Variants in YTHDC2 observed in about 807,000 individuals in gnomAD.
YTHDC2 encodes 3'-5' RNA helicase YTHDC2.
YTHDC2 carries 45 observed loss-of-function variants against 174.9 expected under a neutral mutation model. That is an observed-to-expected ratio of 0.26 (90% CI 0.20 to 0.33). The LOEUF (loss-of-function observed/expected upper bound fraction) is 0.33. YTHDC2 is among the 10% of genes least tolerant of loss of function. YTHDC2 has a pLI of 1.00. For missense variants in YTHDC2, 1,650 were observed against 1,723.7 expected, an observed-to-expected ratio of 0.96 and a Z score of 0.76; for synonymous variants, 657 against 574.5, an observed-to-expected ratio of 1.14 and a Z score of -2.05.
intron 5 of YTHDC2, 88 bp from the exon 6 acceptor site, chr5:113,534,217 G>A (rs944112621): frequency 2.1e-6 from 2 of 957,634 alleles, no homozygotes; most frequent in Non-Finnish European, 3.3e-6. Context: ...TTATTAAAAT[G>A]TGTACGAGGC....
chr5:113,585,899 A>C (rs936348635), intron 26 of YTHDC2, among the ~76,000 whole-genome samples: 2 of 151,824 alleles, frequency 1.3e-5, no homozygotes, highest in Non-Finnish European at 2.9e-5. Flanking sequence ...CAGTTGATGG[A>C]CATTTGGGTT....
chr5:113,584,080 G>C (rs138765268), intron 25 of YTHDC2: 4 of 351,532 alleles, frequency 1.1e-5, no homozygotes, highest in African/African-American at 4.2e-5. Flanking sequence ...AAGTTACGAG[G>C]CTTGCTCAGG....
At chr5:113,539,013 G>T in intron 7 of YTHDC2, 61 bp from the exon 8 acceptor site, 1 of 848,166 alleles carries the variant, frequency 1.2e-6, no homozygotes, top group African/African-American at 1.8e-5. Context: ...GGATTTTCAT[G>T]TTTTTATGTG....
intron 1 of YTHDC2, chr5:113,514,313 C>G (rs1432371519): frequency 2.3e-5 from 16 of 699,278 alleles, no homozygotes; most frequent in Non-Finnish European, 3.9e-5. Flanking sequence ...GCACTTTGCT[C>G]CCTAGCTGAA....
At chr5:113,590,331 G>T (rs2112823531) in intron 26 of YTHDC2, among the ~76,000 whole-genome samples, 1 of 152,308 alleles carries the variant, frequency 6.6e-6, no homozygotes, top group South Asian at 2.1e-4. Flanking sequence ...CCAATACTAA[G>T]GTATGGCCCT....
Position 113,579,549 on chromosome 5 carries a change from G to T in YTHDC2, c.3245-37G>T, listed in dbSNP as rs747279917. On this transcript the variant is annotated intron_variant, in intron 23 of 29. Transcript: ENST00000161863. ...TAGTTTTTTGCCATAACGTAAGAAGGTAAAAGTGATTTTTTTTTCATTATG... is the reference window on the plus strand; with the variant it reads ...TAGTTTTTTGCCATAACGTAAGAAGTTAAAAGTGATTTTTTTTTCATTATG... 11 of 1,508,812 alleles carry T rather than the reference G, an allele frequency of 7.3e-6. No individual in the cohort carries two copies. The South Asian group carries it at 9.0e-5, about 12-fold the overall frequency. The allele number at this position is 1,508,812 out of a possible 1,614,324, so 93.5% of individuals were successfully genotyped here.
rs954774540 is a variant in YTHDC2 at position 113,525,085 on chromosome 5, G to T, written c.383G>T (p.Arg128Met). Residue 128 changes from arginine (R) to methionine (M), a missense_variant, in exon 3 of 30, where the codon AGG (arginine) becomes ATG (methionine). By Grantham distance (91) the Arg-to-Met change is moderately conservative (BLOSUM62 -1). Transcript: ENST00000161863. ...NLTHNTKHAV[R>M]SLIQRFPVTN... is the part of the protein sequence containing the mutation. ...ACTCATAATACAAAACATGCTGTTA[G>T]GAGCCTAATTCAAAGATTTCCTGTC... The T allele has an allele frequency of 5.0e-6, 8 of 1,612,474 alleles. No homozygotes were observed. The highest frequency in any genetic ancestry group is 6.8e-6 in the Non-Finnish European group (8 of 1,179,138).
chr5:113,583,032 A>C lies in YTHDC2; in HGVS notation c.3648-1270A>C, dbSNP rs959589181. 8 of 152,212 alleles carry C rather than the reference A, an allele frequency of 5.3e-5. No homozygotes were observed. The East Asian group carries it at 1.5e-3, about 29-fold the overall frequency. The allele number at this position is 152,212 out of a possible 1,614,324, so 9.4% of individuals were successfully genotyped here. On this transcript the variant is annotated intron_variant, in intron 25 of 29. Transcript: ENST00000161863. ...TTAGGATGTAGGAATATATTTCCAT[A>C]GGAGTTATTCTGTGGTAGAGTTATT...
intron 5 of YTHDC2, 106 bp from the exon 6 acceptor site, chr5:113,534,199 A>G (rs1342480597): frequency 8.4e-6 from 7 of 829,478 alleles, no homozygotes; most frequent in Non-Finnish European, 1.4e-5. Flanking sequence ...GTACACTATT[A>G]GTAATATTTA....
Position 113,542,476 on chromosome 5 carries a change from C to T in YTHDC2, c.1468C>T (p.His490Tyr), listed in dbSNP as rs1226467324. 6.2e-7 allele frequency: 1 copy of T among 1,606,468 alleles called. No individual in the cohort carries two copies. Among genetic ancestry groups the T allele is most frequent in the Non-Finnish European group, 8.5e-7 (1 of 1,177,988 alleles). The change falls in exon 10 of 30, where the codon CAT becomes TAT. Residue 490 changes from histidine to tyrosine, a missense_variant. His to Tyr is a moderately conservative substitution (Grantham distance 83, BLOSUM62 2). This residue lies in a region of YTHDC2 where 411 missense variants were observed against 380.6 expected (regional missense o/e 1.08). Transcript: ENST00000161863. Reference protein sequence around the residue: ...KDIDAFAQVFHLILTENVSVD... With the variant: ...KDIDAFAQVFYLILTENVSVD... ...TATTGATGCCTTTGCTCAGGTCTTT[C>T]ATCTCATTTTAACTGAAAATGTTAG...
rs1411739127 is a variant in YTHDC2, at chr5:113,585,401, CTT to C, written c.3825+924_3825+925del. ...TGGCGAATGTGCCTGTTGAAATACT[CTT>C]TGTTAAATAAGAGGAAAATAAATGT... is the stretch of plus-strand genomic sequence containing the variant. On this transcript the variant is annotated intron_variant, in intron 26 of 29. Transcript: ENST00000161863. 2.0e-5 allele frequency among the ~76,000 whole-genome samples: 3 copies of C among 151,972 alleles called. No homozygotes were observed. The East Asian group carries it at 5.8e-4, about 29-fold the overall frequency.
At chr5:113,535,849 T>C (rs747379073) in intron 7 of YTHDC2, 51 bp downstream of exon 7, 1 of 1,449,074 alleles carries the variant, frequency 6.9e-7, no homozygotes, top group Non-Finnish European at 9.3e-7. Flanking sequence ...AGAACACTTT[T>C]GGACATTATT....
At chr5:113,525,893 T>G (rs903692562) in intron 3 of YTHDC2, among the ~76,000 whole-genome samples, 11 of 152,124 alleles carry the variant, frequency 7.2e-5, no homozygotes, top group African/African-American at 2.7e-4. Context: ...ATCAAAGAAC[T>G]TTCACTTTAA....
At chr5:113,559,643 A>T (rs559719412) in intron 17 of YTHDC2, among the ~76,000 whole-genome samples, 1 of 152,250 alleles carries the variant, frequency 6.6e-6, no homozygotes, top group Non-Finnish European at 1.5e-5. Flanking sequence ...AGGTTACCCA[A>T]TTCTGACTGA....
In YTHDC2 at chr5:113,584,394, G is replaced by A. The variant is rs761351976; in HGVS notation, c.3740G>A (p.Arg1247Gln). Residue 1247 changes from arginine to glutamine, a missense_variant, in exon 26 of 30, where the codon CGA becomes CAA. By Grantham distance (43) the Arg-to-Gln change is conservative. Around this residue, in one of 5 missense-constraint regions of YTHDC2, gnomAD observed 913 missense variants for 940.4 expected, o/e 0.97. Coordinates refer to ENST00000161863, the MANE Select transcript of YTHDC2 (RefSeq NM_022828.5). ...CATCCTAAACGAGGTACTGAGGACC[G>A]ATCAGATCAGTCTTCTCTGAAATCT... Reference protein sequence around the residue: ...ILHPKRGTEDRSDQSSLKSTD... With the variant: ...ILHPKRGTEDQSDQSSLKSTD... 9.3e-6 allele frequency: 15 copies of A among 1,613,810 alleles called. No homozygotes were observed. Among genetic ancestry groups the A allele is most frequent in the Non-Finnish European group, 1.2e-5 (14 of 1,179,800 alleles).
At chr5:113,568,822 C>G (rs1777531033) in intron 23 of YTHDC2, among the ~76,000 whole-genome samples, 1 of 152,090 alleles carries the variant, frequency 6.6e-6, no homozygotes, top group African/African-American at 2.4e-5. Flanking sequence ...GTGAATAATG[C>G]TGCACTGAAC....
chr5:113,563,726 C>G, intron 19 of YTHDC2, 133 bp from the exon 20 acceptor site: 10 of 1,091,792 alleles, frequency 9.2e-6, no homozygotes, highest in Non-Finnish European at 1.3e-5. Flanking sequence ...ATAATAGAAA[C>G]GAAATATATT....
chr5:113,530,776 C>G (rs1197774676), intron 4 of YTHDC2, among the ~76,000 whole-genome samples: 1 of 151,346 alleles, frequency 6.6e-6, no homozygotes, highest in African/African-American at 2.4e-5. Context: ...CTTTAGTGTT[C>G]TTTCTTTCAT....
chr5:113,523,307 G>C (rs988500274), intron 2 of YTHDC2, among the ~76,000 whole-genome samples: 5 of 152,220 alleles, frequency 3.3e-5, no homozygotes, highest in Middle Eastern at 3.4e-3. Flanking sequence ...ATGATTTGCC[G>C]TTGATCATGT....
Sources: gnomAD v4.1 joint callset for allele counts (sites outside exome capture counted in the v4.1 genomes callset) on GRCh38, gnomAD v4.1.1 for gene constraint, gnomAD v4.1.1 regional missense constraint, MANE v1.5 for transcripts, NCBI Gene and HGNC (gene_info 2026-07-23, HGNC 2026-07-21) for gene names.